Variants in NRXN1 observed in about 807,000 individuals in gnomAD.
NRXN1 encodes the protein neurexin 1, also known as neurexin-1.
Under a neutral mutation model 150.9 loss-of-function variants are expected in NRXN1, and 39 were observed. The ratio of observed to expected loss-of-function variants is 0.26; its 90% CI spans 0.20 to 0.34. NRXN1 has a LOEUF of 0.34. Among genes scored for constraint, NRXN1 ranks in the 10% least tolerant of loss-of-function variants. NRXN1 has a pLI of 1.00. For missense variants in NRXN1, 1,815 were observed against 1,949.9 expected, an observed-to-expected ratio of 0.93 and a Z score of 1.30; for synonymous variants, 924 against 757.0, an observed-to-expected ratio of 1.22 and a Z score of -3.62.
At chr2:50,927,600 G>C (rs1311793497) in intron 2 of NRXN1, among the ~76,000 whole-genome samples, 1 of 151,738 alleles carries the variant, frequency 6.6e-6, no homozygotes, top group Non-Finnish European at 1.5e-5. Context: ...CATTATATTG[G>C]ACATAATACA....
chr2:50,709,077 A>G (rs1694806987), intron 5 of NRXN1, among the ~76,000 whole-genome samples: 1 of 152,108 alleles, frequency 6.6e-6, no homozygotes, highest in Non-Finnish European at 1.5e-5. Flanking sequence ...CAGAGGTGAC[A>G]AGGTCAGTAT....
intron 8 of NRXN1, among the ~76,000 whole-genome samples, chr2:50,594,449 A>T (rs1036566754): frequency 3.3e-5 from 5 of 152,156 alleles, no homozygotes; most frequent in African/African-American, 1.2e-4. Context: ...TGTAGGCGTA[A>T]GTATGGGTGA....
chr2:50,606,775 G>GA (rs1181729150), intron 8 of NRXN1, among the ~76,000 whole-genome samples: 1 of 151,964 alleles, frequency 6.6e-6, no homozygotes, highest in Non-Finnish European at 1.5e-5. Flanking sequence ...TTTTAGAATT[G>GA]AAAAAAGTGA....
At chr2:49,970,250 A>C (rs1234805376) in intron 21 of NRXN1, 1 of 152,120 alleles carries the variant, frequency 6.6e-6, no homozygotes, top group African/African-American at 2.4e-5. Context: ...ACACTGAAAA[A>C]AATTATCATT....
chr2:50,004,383 G>A (rs1573352702), intron 21 of NRXN1, among the ~76,000 whole-genome samples: 1 of 152,106 alleles, frequency 6.6e-6, no homozygotes, highest in South Asian at 2.1e-4. Flanking sequence ...TATAGAGAGA[G>A]TGGAAGAATC....
intron 18 of NRXN1, among the ~76,000 whole-genome samples, chr2:50,162,188 C>T (rs2059404322): frequency 6.6e-6 from 1 of 152,030 alleles, no homozygotes; most frequent in African/African-American, 2.4e-5. Context: ...TGAAACTGAT[C>T]TATCATTCAG....
intron 5 of NRXN1, among the ~76,000 whole-genome samples, chr2:50,662,923 C>G (rs760639552): frequency 6.6e-6 from 1 of 151,998 alleles, no homozygotes; most frequent in Non-Finnish European, 1.5e-5. Flanking sequence ...TTCTTAGACT[C>G]TACCCCCAGT....
chr2:50,943,237 G>C (rs369609382), intron 2 of NRXN1, among the ~76,000 whole-genome samples: 50 of 152,236 alleles, frequency 3.3e-4, no homozygotes, highest in Admixed American at 1.3e-3. Context: ...AAATTACCAA[G>C]TCTCAAGCAG....
At position 50,502,124 on chromosome 2, in the gene NRXN1, G is replaced by A. The variant is rs559610827; in HGVS notation, c.2497+4371C>T. On this transcript the variant is annotated intron_variant, in intron 13 of 22. Transcript: ENST00000401669. ...CATTTGGAAGCCTTTTATGTACTAC[G>A]TAAATCAAGACTGAATTATTCTTAT... is the stretch of plus-strand genomic sequence containing the variant. 5.3e-5 allele frequency among the ~76,000 whole-genome samples: 8 copies of A among 151,934 alleles called. No individual in the cohort carries two copies. In the South Asian group the frequency reaches 1.2e-3, roughly 24 times the overall value.
At chr2:51,023,378 G>A (rs185119297) in intron 2 of NRXN1, among the ~76,000 whole-genome samples, 49 of 152,290 alleles carry the variant, frequency 3.2e-4, no homozygotes, top group Middle Eastern at 3.4e-3. Flanking sequence ...CTCAAGTAGG[G>A]AGTTAGAGCT....
At chr2:50,412,049 C>T (rs764009423) in intron 17 of NRXN1, among the ~76,000 whole-genome samples, 101 of 152,094 alleles carry the variant, frequency 6.6e-4, no homozygotes, top group Middle Eastern at 3.2e-3. Flanking sequence ...TGTGCTGTGT[C>T]CACTCAGGGT....
At chr2:50,479,351 G>T (rs545321977) in intron 15 of NRXN1, among the ~76,000 whole-genome samples, 2 of 151,936 alleles carry the variant, frequency 1.3e-5, no homozygotes, top group South Asian at 4.2e-4. Flanking sequence ...TACTCAACTT[G>T]GGGGACTCAA....
intron 17 of NRXN1, among the ~76,000 whole-genome samples, chr2:50,317,446 C>G (rs1448431540): frequency 1.3e-5 from 2 of 151,664 alleles, no homozygotes; most frequent in Non-Finnish European, 2.9e-5. Context: ...ACAATGGAAG[C>G]TAGAGGGCAA....
At chr2:50,588,180 G>A (rs1673481884) in intron 8 of NRXN1, among the ~76,000 whole-genome samples, 1 of 152,124 alleles carries the variant, frequency 6.6e-6, no homozygotes, top group Admixed American at 6.5e-5. Context: ...ACAGCATCCA[G>A]AATTCAATAA....
At chr2:50,236,429 C>T (rs565226630) in intron 18 of NRXN1, among the ~76,000 whole-genome samples, 71 of 152,076 alleles carry the variant, frequency 4.7e-4, no homozygotes, top group Non-Finnish European at 9.1e-4. Context: ...ACCAGTATTA[C>T]AACCTCCTGC....
rs1007156755 is a variant in NRXN1 at position 50,894,893 on chromosome 2, A to G, written c.832+26976T>C. 2.0e-5 allele frequency among the ~76,000 whole-genome samples: 3 copies of G among 152,308 alleles called. No individual in the cohort carries two copies. In the South Asian group the frequency reaches 6.2e-4, roughly 32 times the overall value. ...AATCTAACATTTGTTTGACTAGGCA[A>G]CAAAAATTTCCTGGCCTTCTCCCAA... is the stretch of plus-strand genomic sequence containing the variant. On this transcript the variant is annotated intron_variant, in intron 5 of 22. Transcript: ENST00000401669.
chr2:50,303,742 G>C (rs1356276580), intron 17 of NRXN1, among the ~76,000 whole-genome samples: 4 of 152,034 alleles, frequency 2.6e-5, no homozygotes, highest in Non-Finnish European at 5.9e-5. Context: ...TAAAACTAGA[G>C]CTTAATCACC....
At chr2:50,535,791 T>C (rs77683309) in intron 10 of NRXN1, among the ~76,000 whole-genome samples, 2,660 of 152,308 alleles carry the variant, frequency 0.017, 41 homozygotes, top group Middle Eastern at 0.061. Flanking sequence ...TTAGGCATGA[T>C]AAACATCTCC....
chr2:50,522,484 G>C (rs113316246), intron 12 of NRXN1, among the ~76,000 whole-genome samples: 4 of 152,124 alleles, frequency 2.6e-5, no homozygotes. Context: ...CTGCACAAGA[G>C]TAGTTTTTAG....
Sources: allele counts gnomAD v4.1 joint callset (sites outside exome capture counted in the v4.1 genomes callset), GRCh38; gene constraint gnomAD v4.1.1; transcripts MANE v1.5; gene names NCBI Gene and HGNC (gene_info 2026-07-23, HGNC 2026-07-21).